Variants in EP300 observed in about 807,000 individuals in gnomAD.
EP300 encodes the protein EP300 lysine acetyltransferase.
EP300 carries 31 observed loss-of-function variants against 264.0 expected under a neutral mutation model. The observed-to-expected ratio is 0.12, with a 90% confidence interval of 0.09 to 0.16. EP300 has a LOEUF of 0.16. Ranked by LOEUF, EP300 falls within the 10% of genes least tolerant of loss-of-function variation. The pLI is 1.00. For missense variants in EP300, 2,766 were observed against 3,052.9 expected, an observed-to-expected ratio of 0.91 and a Z score of 2.21; for synonymous variants, 1,340 against 1,045.4, an observed-to-expected ratio of 1.28 and a Z score of -5.44.
intron 30 of EP300, 47 bp from the exon 31 acceptor site, chr22:41,176,726 G>A (rs1429762932): frequency 6.2e-7 from 1 of 1,613,436 alleles, no homozygotes. Flanking sequence ...ACTTTTGAAT[G>A]ACTTAAATCT....
rs2145752416 is a variant in EP300, at chr22:41,160,672, G to T, written c.3621G>T (p.Glu1207Asp). Residue 1207 changes from glutamate to aspartate, a missense_variant, in exon 20 of 31, where the codon GAG becomes GAT. Physicochemically the swap from Glu to Asp is conservative, Grantham distance 45. Coordinates refer to ENST00000263253, the MANE Select transcript of EP300 (RefSeq NM_001429.4). ...RYHFCEKCFNEIQGESVSLGD... is the reference protein window; with the variant it reads ...RYHFCEKCFNDIQGESVSLGD... Reference sequence around the variant, plus strand: ...ATTTCTGTGAGAAGTGTTTCAATGAGATCCAAGGGGAGAGCGTTTCTTTGG... The same window carrying T: ...ATTTCTGTGAGAAGTGTTTCAATGATATCCAAGGGGAGAGCGTTTCTTTGG... The T allele has an allele frequency of 1.2e-6, 2 of 1,614,086 alleles. No individual in the cohort carries two copies. The highest frequency in any genetic ancestry group is 1.7e-6 in the Non-Finnish European group (2 of 1,179,994).
In EP300 at chr22:41,177,591, TCCCATGGCC is replaced by T. The variant is rs1204220361; in HGVS notation, c.5888_5896del (p.Ala1963_Met1965del). Reference sequence around the variant, plus strand: ...TCCAACACCAGATGCCCCCGATGACTCCCATGGCCCCCATGGGTATGAACCCACCTCCCA... The same window carrying T: ...TCCAACACCAGATGCCCCCGATGACTCCCATGGGTATGAACCCACCTCCCA... On this transcript the variant is annotated inframe_deletion, in exon 31 of 31. Transcript: ENST00000263253. The T allele has an allele frequency of 2.5e-6, 4 of 1,613,910 alleles. No homozygotes were observed. The highest frequency in any genetic ancestry group is 3.4e-6 in the Non-Finnish European group (4 of 1,180,008).
At position 41,177,773 on chromosome 22, in the gene EP300, A is replaced by G. The variant is rs2059210926; in HGVS notation, c.6062A>G (p.His2021Arg). The G allele has an allele frequency of 6.2e-7, 1 of 1,613,998 alleles. No homozygotes were observed. The highest frequency in any genetic ancestry group is 1.1e-5 in the South Asian group (1 of 91,088). Residue 2021 changes from histidine to arginine, a missense_variant, in exon 31 of 31, where the codon CAT becomes CGT. Coordinates refer to ENST00000263253, the MANE Select transcript of EP300 (RefSeq NM_001429.4). Reference sequence around the variant, plus strand: ...CCAGCCATGATGTCAGTGGCCCAGCATGGTCAACCTTTGAACATGGCTCCA... The same window carrying G: ...CCAGCCATGATGTCAGTGGCCCAGCGTGGTCAACCTTTGAACATGGCTCCA... Reference protein sequence around the residue: ...PRPAMMSVAQHGQPLNMAPQP... With the variant: ...PRPAMMSVAQRGQPLNMAPQP...
At chr22:41,171,697 A>C (rs189424984) in intron 27 of EP300, among the ~76,000 whole-genome samples, 1 of 150,268 alleles carries the variant, frequency 6.7e-6, no homozygotes, top group African/African-American at 2.5e-5. Context: ...GCAATGGTGC[A>C]GTCTCCTGGG....
chr22:41,098,246 T>C (rs2058712785), intron 1 of EP300, among the ~76,000 whole-genome samples: 1 of 152,224 alleles, frequency 6.6e-6, no homozygotes, highest in Non-Finnish European at 1.5e-5. Context: ...GGGAAATTAC[T>C]GCTCACTTTC....
At position 41,126,729 on chromosome 22, in the gene EP300, C is replaced by CTTTTTTTTTTTTT. The variant is rs71328775; in HGVS notation, c.906+709_906+721dup. 1.0e-3 allele frequency among the ~76,000 whole-genome samples: 50 copies of CTTTTTTTTTTTTT among 48,826 alleles called. 7 individuals are homozygous for CTTTTTTTTTTTTT. Among genetic ancestry groups the CTTTTTTTTTTTTT allele is most frequent in the Admixed American group, 1.9e-3 (5 of 2,702 alleles). The allele number at this position is 48,826 out of a possible 152,430, so 32.0% of individuals were successfully genotyped here. On this transcript the variant is annotated intron_variant, in intron 3 of 30. Coordinates refer to ENST00000263253, the MANE Select transcript of EP300 (RefSeq NM_001429.4). ...TCATCTCTGTCCCGAGAAATGTTCA[C>CTTTTTTTTTTTTT]TTTTTTTTTTTTTTTTTTTTTTTTT...
chr22:41,177,221 G>T lies in EP300; in HGVS notation c.5510G>T (p.Arg1837Leu), dbSNP rs755471385. 1 of 1,614,064 alleles carries T rather than the reference G, an allele frequency of 6.2e-7. No individual in the cohort carries two copies. The highest frequency in any genetic ancestry group is 8.5e-7 in the Non-Finnish European group (1 of 1,180,014). Residue 1837 changes from arginine to leucine, a missense_variant, in exon 31 of 31, where the codon CGG (arginine) becomes CTG (leucine). Physicochemically the swap from Arg to Leu is moderately radical, Grantham distance 102. Transcript: ENST00000263253. Reference protein sequence around the residue: ...MLRRRMASMQRTGVVGQQQGL... With the variant: ...MLRRRMASMQLTGVVGQQQGL... ...CGCAGGAGGATGGCCAGCATGCAGC[G>T]GACTGGTGTGGTTGGGCAGCAACAG...
chr22:41,098,226 A>G (rs1444577014), intron 1 of EP300, among the ~76,000 whole-genome samples: 1 of 152,230 alleles, frequency 6.6e-6, no homozygotes, highest in East Asian at 1.9e-4. Flanking sequence ...TTTCATTTTG[A>G]AATTTTCATG....
intron 19 of EP300, chr22:41,159,000 C>T (rs375938074): frequency 1.4e-4 from 23 of 162,332 alleles, no homozygotes; most frequent in Admixed American, 2.3e-4. Context: ...CCTCACATAG[C>T]TCTCTGTACC....
chr22:41,130,254 TAAAAAAAA>T (rs11388493), intron 5 of EP300, among the ~76,000 whole-genome samples: 7 of 134,868 alleles, frequency 5.2e-5, no homozygotes, highest in Admixed American at 1.5e-4. Context: ...CTGCCTCAAT[TAAAAAAAA>T]AAAAAAAAGA....
rs1213121719 is a variant in EP300 at position 41,151,916 on chromosome 22, T to A, written c.2901T>A (p.Ile967=). The stretch of plus-strand genomic sequence containing the variant: ...GCACAGAAGTGAATTCTCAGGCCAT[T>A]GCTGAGAAGCAGCCTTCCCAGGAAG... ...TSSTEVNSQA[I]AEKQPSQEVK... The change falls in exon 15 of 31, where the codon ATT becomes ATA. Residue 967 remains isoleucine (I), a synonymous_variant. Transcript: ENST00000263253. 1.2e-6 allele frequency: 2 copies of A among 1,613,944 alleles called. No homozygotes were observed. The highest frequency in any genetic ancestry group is 2.7e-5 in the African/African-American group (2 of 74,896).
intron 16 of EP300, among the ~76,000 whole-genome samples, chr22:41,153,830 G>A (rs1295991001): frequency 1.3e-5 from 2 of 152,190 alleles, no homozygotes; most frequent in Admixed American, 1.3e-4. Context: ...CTAAATATGA[G>A]TGACAAGCAT....
chr22:41,156,345 C>G (rs1411750739), intron 17 of EP300, among the ~76,000 whole-genome samples: 1 of 152,122 alleles, frequency 6.6e-6, no homozygotes, highest in East Asian at 1.9e-4. Flanking sequence ...TAGGTCATAG[C>G]AGAAAAAAGG....
chr22:41,140,266 C>G lies in EP300; in HGVS notation c.1878+9C>G, dbSNP rs186198699. 465 of 1,575,552 alleles carry G rather than the reference C, an allele frequency of 3.0e-4. 2 individuals carry two copies. The African/African-American group carries it at 5.3e-3, about 18-fold the overall frequency. ...AATCTGCAAACAATCGAGTGAGTGTCTGGTTTTTTTCTATTAATAGCCAAG... is the reference window on the plus strand; with the variant it reads ...AATCTGCAAACAATCGAGTGAGTGTGTGGTTTTTTTCTATTAATAGCCAAG... On this transcript the variant is annotated intron_variant, in intron 9 of 30. Coordinates refer to ENST00000263253, the MANE Select transcript of EP300 (RefSeq NM_001429.4).
Position 41,176,472 on chromosome 22 carries a change from A to G in EP300, c.5005A>G (p.Thr1669Ala). 6.2e-7 allele frequency: 1 copy of G among 1,614,172 alleles called. No homozygotes were observed. Among genetic ancestry groups the G allele is most frequent in the Non-Finnish European group, 8.5e-7 (1 of 1,180,038 alleles). Reference sequence around the variant, plus strand: ...GCAGAGCCAGGACCGCTTTGTCTACACCTGCAATGAATGCAAGCACCATGT... The same window carrying G: ...GCAGAGCCAGGACCGCTTTGTCTACGCCTGCAATGAATGCAAGCACCATGT... ...HTQSQDRFVY[T>A]CNECKHHVET... The change falls in exon 30 of 31, where the codon ACC becomes GCC. Residue 1669 changes from threonine to alanine, a missense_variant. Physicochemically the swap from Thr to Ala is moderately conservative, Grantham distance 58. Coordinates refer to ENST00000263253, the MANE Select transcript of EP300 (RefSeq NM_001429.4).
Position 41,092,709 on chromosome 22 carries a change from C to A in EP300, c.-296C>A. 3.2e-6 allele frequency: 2 copies of A among 616,028 alleles called. No individual in the cohort carries two copies. The highest frequency in any genetic ancestry group is 2.8e-5 in the East Asian group (1 of 36,150). 38.2% of individuals were successfully genotyped at this position (616,028 alleles called of 1,614,324 possible). A position where few individuals can be genotyped will look rare whatever the true frequency, so the allele number is the denominator to read the frequency against. ...GCCGGGGACTGCGCCTCTAGAGCCG[C>A]GAGTTCTCGGGAATTCGCCGCAGCG... On this transcript the variant is annotated 5_prime_UTR_variant, in exon 1 of 31. Coordinates refer to ENST00000263253, the MANE Select transcript of EP300 (RefSeq NM_001429.4).
intron 2 of EP300, among the ~76,000 whole-genome samples, chr22:41,122,562 T>C (rs557638703): frequency 6.6e-6 from 1 of 152,240 alleles, no homozygotes; most frequent in African/African-American, 2.4e-5. Context: ...TAAATCATTC[T>C]TGTAAATTAC....
intron 1 of EP300, among the ~76,000 whole-genome samples, chr22:41,095,548 A>AT (rs796399083): frequency 0.018 from 2,652 of 145,804 alleles, 78 homozygotes; most frequent in African/African-American, 0.059. Flanking sequence ...TATATCTTGA[A>AT]TTTTTTTTTT....
chr22:41,113,872 C>G (rs1341633959), intron 1 of EP300, among the ~76,000 whole-genome samples: 1 of 152,028 alleles, frequency 6.6e-6, no homozygotes, highest in African/African-American at 2.4e-5. Context: ...CTAACATAGG[C>G]CTTTAGGTTT....
Sources: gnomAD v4.1 joint callset for allele counts (sites outside exome capture counted in the v4.1 genomes callset) on GRCh38, gnomAD v4.1.1 for gene constraint, MANE v1.5 for transcripts, NCBI Gene and HGNC (gene_info 2026-07-23, HGNC 2026-07-21) for gene names.